The following RRN3 variants were observed in gnomAD, a reference collection of about 807,000 sequenced individuals.
RRN3 encodes RNA polymerase I transcription factor RRN3.
In RRN3, 38 loss-of-function variants were observed where a neutral mutation model predicts 82.3. The observed-to-expected ratio is 0.46, with a 90% CI of 0.36 to 0.61. The LOEUF is 0.61. RRN3 is among the 20% of genes least tolerant of loss of function. RRN3 has a pLI of 0.00. For missense variants in RRN3, 726 were observed against 793.1 expected (o/e 0.92, Z 1.02); for synonymous variants, 284 against 284.3 (o/e 1.00, Z 0.01).
rs1156433874 is a variant in RRN3, at chr16:15,085,624, C to A, written c.532+15G>T. The A allele has an allele frequency of 1.9e-6, 3 of 1,611,106 alleles. No individual in the cohort carries two copies. The highest frequency in any genetic ancestry group is 2.2e-5 in the South Asian group (2 of 90,536). ...AAAGCTACTGTGCCCAGGCTTTAAA[C>A]CTTTTTATACTTACTATCATCTTCA... On this transcript the variant is annotated intron_variant, in intron 6 of 17. Transcript: ENST00000198767.
At chr16:15,088,434 C>T (rs1197857405) in intron 3 of RRN3, among the ~76,000 whole-genome samples, 1 of 152,150 alleles carries the variant, frequency 6.6e-6, no homozygotes, top group African/African-American at 2.4e-5. Context: ...GCCCATTACA[C>T]TCCAGCCCGG....
chr16:15,076,685 A>T (rs2045470452), intron 9 of RRN3, 35 bp from the exon 10 acceptor site: 2 of 1,414,202 alleles, frequency 1.4e-6, no homozygotes, highest in African/African-American at 1.4e-5. Context: ...GAATAAAAGG[A>T]TTTAAAAAAT....
intron 17 of RRN3, among the ~76,000 whole-genome samples, chr16:15,062,793 T>C (rs2044766546): frequency 6.6e-6 from 1 of 152,226 alleles, no homozygotes; most frequent in Non-Finnish European, 1.5e-5. Context: ...AAAAAAGCCA[T>C]AGACTCTTTA....
chr16:15,068,335 G>A, intron 14 of RRN3, 58 bp from the exon 15 acceptor site: 2 of 1,517,914 alleles, frequency 1.3e-6, no homozygotes, highest in Non-Finnish European at 1.8e-6. Context: ...AAAAGTGTAA[G>A]ATACTTTTAA....
At chr16:15,082,431 G>A (rs1381944901) in intron 8 of RRN3, among the ~76,000 whole-genome samples, 1 of 152,034 alleles carries the variant, frequency 6.6e-6, no homozygotes, top group Non-Finnish European at 1.5e-5. Flanking sequence ...CCAACACTTT[G>A]CGAGGTGGAG....
In RRN3 at chr16:15,083,411, G is replaced by A. The variant is rs184270999; in HGVS notation, c.666+102C>T. On this transcript the variant is annotated intron_variant, in intron 8 of 17. Coordinates refer to ENST00000198767, the MANE Select transcript of RRN3 (RefSeq NM_018427.5). ...GAGACTCGGTCTCAAAAAAGAAAAA[G>A]AAAAAGAAAGACTGGAAAAGAAAGA... 9.9e-4 allele frequency: 1,510 copies of A among 1,530,670 alleles called. 14 individuals are homozygous for A. In the African/African-American group the frequency reaches 0.018, roughly 18 times the overall value. 94.8% of individuals were successfully genotyped at this position (1,530,670 alleles called of 1,614,324 possible).
chr16:15,070,270 A>T lies in RRN3; in HGVS notation c.1260-16T>A. ...TTTTACAGTACTAGAGAAAAGAAAAATTCAAGTCAACTTTACACATCATAA... is the reference window on the plus strand; with the variant it reads ...TTTTACAGTACTAGAGAAAAGAAAATTTCAAGTCAACTTTACACATCATAA... On this transcript the variant is annotated splice_polypyrimidine_tract_variant and intron_variant, in intron 13 of 17. Transcript: ENST00000198767. 6.2e-7 allele frequency: 1 copy of T among 1,611,618 alleles called. No individual in the cohort carries two copies. The highest frequency in any genetic ancestry group is 1.1e-5 in the South Asian group (1 of 90,934).
chr16:15,066,856 C>T (rs566919708), intron 15 of RRN3, among the ~76,000 whole-genome samples: 1 of 152,050 alleles, frequency 6.6e-6, no homozygotes, highest in Admixed American at 6.6e-5. Context: ...ATTTCAATCC[C>T]CTGCTCTTAG....
chr16:15,093,878 C>G (rs576935281), intron 1 of RRN3: 1 of 503,230 alleles, frequency 2.0e-6, no homozygotes, highest in Non-Finnish European at 3.5e-6. Flanking sequence ...GCGCAGAAGG[C>G]AGTACCCAGG....
Position 15,065,359 on chromosome 16 carries a change from G to A in RRN3, c.1566C>T (p.Leu522=), listed in dbSNP as rs568807566. 1.1e-5 allele frequency: 17 copies of A among 1,613,128 alleles called. No homozygotes were observed. The highest frequency in any genetic ancestry group is 1.3e-5 in the Non-Finnish European group (15 of 1,179,432). Residue 522 remains leucine, a synonymous_variant, in exon 16 of 18, where the codon CTC becomes CTT. Coordinates refer to ENST00000198767, the MANE Select transcript of RRN3 (RefSeq NM_018427.5). ...TCTCAATGATGGTGTAGCAGAAGAC[G>A]AGCTGGTACTTACTGTGGAACAAAA... is the stretch of plus-strand genomic sequence containing the variant. ...FFAAITNKYQ[L]VFCYTIIERN...
At chr16:15,068,375 A>G (rs2045070656) in intron 14 of RRN3, 98 bp from the exon 15 acceptor site, 1 of 1,432,218 alleles carries the variant, frequency 7.0e-7, no homozygotes, top group East Asian at 2.5e-5. Context: ...TTTAAAAAAA[A>G]CTTTAAAAAA....
In RRN3 at chr16:15,061,833, T is replaced by A. The variant is rs745776890; in HGVS notation, c.1867A>T (p.Thr623Ser). 6.2e-7 allele frequency: 1 copy of A among 1,614,168 alleles called. No individual in the cohort carries two copies. Among genetic ancestry groups the A allele is most frequent in the South Asian group, 1.1e-5 (1 of 91,084 alleles). Reference sequence around the variant, plus strand: ...AAATGCGTGTCAAAGGAGCTTGGTGTGATCCCAATCACGGTATCATTCTGG... The same window carrying A: ...AAATGCGTGTCAAAGGAGCTTGGTGAGATCCCAATCACGGTATCATTCTGG... ...VPQNDTVIGI[T>S]PSSFDTHFRS... Residue 623 changes from threonine to serine, a missense_variant, in exon 18 of 18, where the codon ACA becomes TCA. Physicochemically the swap from Thr to Ser is moderately conservative, Grantham distance 58. Coordinates refer to ENST00000198767, the MANE Select transcript of RRN3 (RefSeq NM_018427.5).
At chr16:15,092,459 T>C (rs555911971) in intron 2 of RRN3, 50 bp downstream of exon 2, 8 of 1,118,438 alleles carry the variant, frequency 7.2e-6, no homozygotes, top group South Asian at 6.3e-5. Context: ...ACAGCAATAG[T>C]TGTATTCTGA....
Position 15,061,883 on chromosome 16 carries a change from T to G in RRN3, c.1817A>C (p.Asp606Ala). The G allele has an allele frequency of 6.2e-7, 1 of 1,612,644 alleles. No individual in the cohort carries two copies. The highest frequency in any genetic ancestry group is 8.5e-7 in the Non-Finnish European group (1 of 1,178,644). Residue 606 changes from aspartate to alanine, a missense_variant, in exon 18 of 18, where the codon GAT (aspartate) becomes GCT (alanine). By Grantham distance (126) the Asp-to-Ala change is moderately radical (BLOSUM62 -2). Coordinates refer to ENST00000198767, the MANE Select transcript of RRN3 (RefSeq NM_018427.5). ...GGGCACTTCGCCTTTCAGAAAGTCA[T>G]CATCTTCATCTTCCACTATGTCCTG... ...MKKDIVEDED[D>A]DFLKGEVPQN...
chr16:15,064,725 G>C (rs375166593), intron 16 of RRN3, among the ~76,000 whole-genome samples: 1 of 152,232 alleles, frequency 6.6e-6, no homozygotes, highest in Admixed American at 6.5e-5. Context: ...TGCGCCACTC[G>C]GCAAGTCCTG....
intron 8 of RRN3, among the ~76,000 whole-genome samples, 199 bp downstream of exon 8, chr16:15,083,314 G>A (rs374896920): frequency 4.6e-5 from 7 of 152,086 alleles, no homozygotes; most frequent in African/African-American, 1.7e-4. Flanking sequence ...CAGGAGAATC[G>A]CTTGAACCCG....
Position 15,073,058 on chromosome 16 carries a change from T to C in RRN3, c.1020A>G (p.Thr340=). ...YVDGKVDNGK[T]KDLYRDLINI... ...TTATCAGGTCGCGATATAGATCCTT[T>C]GTTTTGCCGTTATCAACCTTACCTA... is the stretch of plus-strand genomic sequence containing the variant. The change falls in exon 12 of 18, where the codon ACA becomes ACG. Residue 340 remains threonine, a synonymous_variant. Coordinates refer to ENST00000198767, the MANE Select transcript of RRN3 (RefSeq NM_018427.5). The C allele has an allele frequency of 1.2e-6, 2 of 1,611,762 alleles. No homozygotes were observed. The highest frequency in any genetic ancestry group is 2.2e-5 in the East Asian group (1 of 44,870).
rs1361650649 is a variant in RRN3 at position 15,094,253 on chromosome 16, C to T, written c.-20G>A. The T allele has an allele frequency of 6.5e-6, 10 of 1,549,828 alleles. No homozygotes were observed. Among genetic ancestry groups the T allele is most frequent in the Non-Finnish European group, 8.8e-6 (10 of 1,142,800 alleles). On this transcript the variant is annotated 5_prime_UTR_variant, in exon 1 of 18. Transcript: ENST00000198767. The stretch of plus-strand genomic sequence containing the variant: ...CGCCATTGGGCCGAACTAACGCGAC[C>T]GCTGCGCCTCAGGCCGGATGCCCAG...
chr16:15,083,562 G>A lies in RRN3; in HGVS notation c.617C>T (p.Pro206Leu), dbSNP rs1204124887. The A allele has an allele frequency of 6.2e-7, 1 of 1,608,958 alleles. No homozygotes were observed. The highest frequency in any genetic ancestry group is 2.2e-5 in the East Asian group (1 of 44,840). The change falls in exon 8 of 18, where the codon CCA becomes CTA. Residue 206 changes from proline (P) to leucine (L), a missense_variant. Pro to Leu is a moderately conservative substitution (Grantham distance 98). Transcript: ENST00000198767. Reference protein sequence around the residue: ...YVPSTPWFLMPILVEKFPFVR... With the variant: ...YVPSTPWFLMLILVEKFPFVR... ...AAATGGAAATTTTTCCACCAGTATT[G>A]GCATGAGAAACCACGGTGTCCTATT...
Sources: gnomAD v4.1 joint callset for allele counts (sites outside exome capture counted in the v4.1 genomes callset) on GRCh38, gnomAD v4.1.1 for gene constraint, MANE v1.5 for transcripts, NCBI Gene and HGNC (gene_info 2026-07-23, HGNC 2026-07-21) for gene names.